The following FBLN7 variants were observed in gnomAD, a reference collection of about 807,000 sequenced individuals.
FBLN7 encodes fibulin 7, also known as fibulin-7.
In FBLN7, 31 loss-of-function variants were observed where a neutral mutation model predicts 44.0. That is an observed-to-expected ratio of 0.70 (90% confidence interval 0.53 to 0.95). FBLN7 has a LOEUF of 0.95. FBLN7 is among the 40% of genes least tolerant of loss of function. The probability of loss-of-function intolerance (pLI) is 0.00; values close to 1 mark genes in which losing one functional copy is unlikely to be tolerated. For synonymous variants in FBLN7, 262 were observed against 253.4 expected (o/e 1.03, Z -0.32); for missense variants, 573 against 618.5 (o/e 0.93, Z 0.78).
chr2:112,197,802 A>G, the FBLN7 span, among the ~76,000 whole-genome samples: 1 of 152,204 alleles, frequency 6.6e-6, no homozygotes, highest in African/African-American at 2.4e-5. Context: ...CCATTTTGCA[A>G]TGAGGGCAGA....
intron 4 of FBLN7, chr2:112,177,631 TC>T (rs944375641): frequency 1.3e-5 from 2 of 152,188 alleles, no homozygotes; most frequent in African/African-American, 2.4e-5. Context: ...ATCACCACCA[TC>T]CAGCTCCAGA....
the FBLN7 span, among the ~76,000 whole-genome samples, chr2:112,197,123 A>G: frequency 2.0e-5 from 3 of 152,078 alleles, no homozygotes; most frequent in African/African-American, 7.2e-5. Flanking sequence ...AACCAAGTCA[A>G]TGTCCTAACA....
chr2:112,159,599 G>A (rs1217318366), intron 1 of FBLN7, 77 bp from the exon 2 acceptor site: 3 of 1,416,540 alleles, frequency 2.1e-6, no homozygotes, highest in East Asian at 2.7e-5. Flanking sequence ...TGGCTTCGGC[G>A]ATTTCGGAAG....
intron 1 of FBLN7, chr2:112,152,001 A>T (rs985705357): frequency 6.6e-6 from 1 of 152,220 alleles, no homozygotes; most frequent in Non-Finnish European, 1.5e-5. Context: ...GCTCATACTG[A>T]CGCCATTCCT....
chr2:112,150,403 G>A (rs1681102640), intron 1 of FBLN7, among the ~76,000 whole-genome samples: 1 of 152,144 alleles, frequency 6.6e-6, no homozygotes, highest in Admixed American at 6.5e-5. Flanking sequence ...TGCATCCAGA[G>A]AAGCATCAGA....
chr2:112,222,554 T>C, the FBLN7 span, among the ~76,000 whole-genome samples: 13 of 152,304 alleles, frequency 8.5e-5, no homozygotes, highest in East Asian at 2.5e-3. Flanking sequence ...CTATATGATT[T>C]CACTTACATG....
At chr2:112,197,350 A>G in the FBLN7 span, among the ~76,000 whole-genome samples, 1 of 151,956 alleles carries the variant, frequency 6.6e-6, no homozygotes, top group African/African-American at 2.4e-5. Flanking sequence ...AGACAGAAGC[A>G]GAGATTGGTG....
intron 2 of FBLN7, among the ~76,000 whole-genome samples, chr2:112,163,854 G>A (rs915593438): frequency 6.6e-6 from 1 of 152,002 alleles, no homozygotes; most frequent in Non-Finnish European, 1.5e-5. Flanking sequence ...TTTCCACCTC[G>A]TCCACTCTAT....
the FBLN7 span, among the ~76,000 whole-genome samples, chr2:112,195,318 C>T: frequency 6.6e-6 from 1 of 152,166 alleles, no homozygotes; most frequent in African/African-American, 2.4e-5. Flanking sequence ...TGTCATATAC[C>T]TTGCTTACTT....
the FBLN7 span, chr2:112,213,694 T>C: frequency 2.3e-5 from 3 of 132,156 alleles, no homozygotes; most frequent in Non-Finnish European, 4.6e-5. Flanking sequence ...GAGAATCACT[T>C]GAACCCGGGA....
the FBLN7 span, chr2:112,215,686 A>G: frequency 1.3e-5 from 2 of 152,212 alleles, no homozygotes; most frequent in Admixed American, 1.3e-4. Context: ...CTGCATATTT[A>G]GAATCTCATT....
chr2:112,160,553 T>C (rs1681706624), intron 2 of FBLN7, among the ~76,000 whole-genome samples: 1 of 152,202 alleles, frequency 6.6e-6, no homozygotes, highest in Non-Finnish European at 1.5e-5. Context: ...TTGATTTTAC[T>C]TTAAGATAAT....
In FBLN7 at chr2:112,182,847, G is replaced by A. The variant is rs369700908; in HGVS notation, c.727G>A (p.Ala243Thr). 1.5e-5 allele frequency: 24 copies of A among 1,612,586 alleles called. No homozygotes were observed. In the African/African-American group the frequency reaches 1.9e-4, roughly 13 times the overall value. ...QEGRPRLCMH[A>T]CVNTPGSYRC... ...GGGGCGCCCCCGGCTCTGCATGCACGCCTGCGTGAACACCCCGGGCTCTTA... is the reference window on the plus strand; with the variant it reads ...GGGGCGCCCCCGGCTCTGCATGCACACCTGCGTGAACACCCCGGGCTCTTA... Residue 243 changes from alanine to threonine, a missense_variant, in exon 6 of 8, where the codon GCC becomes ACC. Transcript: ENST00000331203.
chr2:112,230,356 G>A, the FBLN7 span, among the ~76,000 whole-genome samples: 1 of 152,188 alleles, frequency 6.6e-6, no homozygotes, highest in Non-Finnish European at 1.5e-5. Context: ...GGCACATACT[G>A]TGGATAACTT....
At chr2:112,232,282 T>C in the FBLN7 span, among the ~76,000 whole-genome samples, 2 of 127,066 alleles carry the variant, frequency 1.6e-5, no homozygotes, top group African/African-American at 6.1e-5. Context: ...TCCACTGCAC[T>C]CCAGCCTGGG....
rs1683317560 is a variant in FBLN7, at chr2:112,187,307, G to C, written c.1121G>C (p.Gly374Ala). ...GCTGGGCCCAACAGCCTGCGGTTTG[G>C]GATCGTGGGTGGGAACAGCCGCGGC... is the stretch of plus-strand genomic sequence containing the variant. ...GRAGPNSLRF[G>A]IVGGNSRGHF... Residue 374 changes from glycine (G) to alanine (A), a missense_variant, in exon 8 of 8, where the codon GGG (glycine) becomes GCG (alanine). Gly to Ala is a moderately conservative substitution (Grantham distance 60). Transcript: ENST00000331203. The surrounding 1 kb of genome is among the most constrained non-coding windows in gnomAD (Gnocchi z 5.1). 6.2e-7 allele frequency: 1 copy of C among 1,614,150 alleles called. No homozygotes were observed. The highest frequency in any genetic ancestry group is 1.6e-4 in the Middle Eastern group (1 of 6,062).
chr2:112,236,854 C>A, the FBLN7 span, among the ~76,000 whole-genome samples: 4 of 152,086 alleles, frequency 2.6e-5, no homozygotes, highest in African/African-American at 9.7e-5. Flanking sequence ...CAAGGCCAGC[C>A]TAAGTGTTCA....
At chr2:112,194,644 A>C in the FBLN7 span, among the ~76,000 whole-genome samples, 1 of 152,226 alleles carries the variant, frequency 6.6e-6, no homozygotes, top group Admixed American at 6.5e-5. Flanking sequence ...GTGAGTACTT[A>C]CTAAATTGAA....
At chr2:112,152,534 G>A (rs999385416) in intron 1 of FBLN7, 3 of 152,234 alleles carry the variant, frequency 2.0e-5, no homozygotes, top group African/African-American at 7.2e-5. Flanking sequence ...TTAAGACATG[G>A]TTTCCAGATA....
Sources: allele counts gnomAD v4.1 joint callset (sites outside exome capture counted in the v4.1 genomes callset), GRCh38; gene constraint gnomAD v4.1.1; non-coding constraint Gnocchi (gnomAD v3.1); transcripts MANE v1.5; gene names NCBI Gene and HGNC (gene_info 2026-07-23, HGNC 2026-07-21).